Variants in C3orf38 observed in about 807,000 individuals in gnomAD.
C3orf38 encodes the protein chromosome 3 open reading frame 38.
C3orf38 carries 18 observed loss-of-function variants against 28.3 expected under a neutral mutation model. The observed-to-expected ratio is 0.64, with a 90% CI of 0.44 to 0.94. The LOEUF is 0.94. Ranked by LOEUF, C3orf38 falls within the 40% of genes least tolerant of loss-of-function variation. The probability of loss-of-function intolerance (pLI) is 0.00; values close to 1 mark genes in which losing one functional copy is unlikely to be tolerated. For synonymous variants in C3orf38, 145 were observed against 138.1 expected (o/e 1.05, Z -0.35); for missense variants, 364 against 396.4 (o/e 0.92, Z 0.69).
At chr3:88,153,725 C>T (rs1576369772) in intron 2 of C3orf38, among the ~76,000 whole-genome samples, 1 of 152,052 alleles carries the variant, frequency 6.6e-6, no homozygotes, top group Admixed American at 6.6e-5. Context: ...GCATGCACCA[C>T]CATGCCTGGC....
At position 88,150,205 on chromosome 3, in the gene C3orf38, C is replaced by CT; in HGVS notation, c.133+21dup. 1 of 1,612,628 alleles carries CT rather than the reference C, an allele frequency of 6.2e-7. No homozygotes were observed. The highest frequency in any genetic ancestry group is 8.5e-7 in the Non-Finnish European group (1 of 1,179,564). Reference sequence around the variant, plus strand: ...GCCAAGGTAAGGGCGGACCCTTCACCTAGAAGGCTGCCGCCCCTTCCCCGG... The same window carrying CT: ...GCCAAGGTAAGGGCGGACCCTTCACCTTAGAAGGCTGCCGCCCCTTCCCCGG... On this transcript the variant is annotated intron_variant, in intron 1 of 2. Coordinates refer to ENST00000318887, the MANE Select transcript of C3orf38 (RefSeq NM_173824.4).
rs748380297 is a variant in C3orf38, at chr3:88,156,480, A to T, written c.835A>T (p.Ser279Cys). ...KFINLKIMGE[S>C]SLAPGTLPKP... ...TATCAACCTGAAAATTATGGGAGAG[A>T]GTTCCCTTGCTCCTGGAACATTACC... The change falls in exon 3 of 3, where the codon AGT (serine) becomes TGT (cysteine). Residue 279 changes from serine (S) to cysteine (C), a missense_variant. By Grantham distance (112) the Ser-to-Cys change is moderately radical. Transcript: ENST00000318887. The T allele has an allele frequency of 6.2e-7, 1 of 1,614,098 alleles. No individual in the cohort carries two copies. Among genetic ancestry groups the T allele is most frequent in the African/African-American group, 1.3e-5 (1 of 74,942 alleles).
Position 88,156,368 on chromosome 3 carries a change from T to C in C3orf38, c.723T>C (p.His241=). Residue 241 remains histidine, a synonymous_variant, in exon 3 of 3, where the codon CAT becomes CAC. Transcript: ENST00000318887. The stretch of plus-strand genomic sequence containing the variant: ...TGGTTGGAGTTGCTGGGACTGTCCA[T>C]CGAGGAAACACTTGTTTGGGCATTT... ...LVMVGVAGTV[H]RGNTCLGIFE... is the part of the protein sequence containing the mutation. 6.2e-7 allele frequency: 1 copy of C among 1,614,216 alleles called. No homozygotes were observed. The highest frequency in any genetic ancestry group is 8.5e-7 in the Non-Finnish European group (1 of 1,180,034).
Position 88,156,505 on chromosome 3 carries a change from C to G in C3orf38, c.860C>G (p.Pro287Arg), listed in dbSNP as rs149447900. Residue 287 changes from proline to arginine, a missense_variant, in exon 3 of 3, where the codon CCG becomes CGG. By Grantham distance (103) the Pro-to-Arg change is moderately radical. Coordinates refer to ENST00000318887, the MANE Select transcript of C3orf38 (RefSeq NM_173824.4). ...AGTTCCCTTGCTCCTGGAACATTAC[C>G]GAAACCATCTGTTAAATTTGAACAA... ...GESSLAPGTL[P>R]KPSVKFEQSD... is the part of the protein sequence containing the mutation. 1 of 1,613,966 alleles carries G rather than the reference C, an allele frequency of 6.2e-7. No homozygotes were observed. The highest frequency in any genetic ancestry group is 8.5e-7 in the Non-Finnish European group (1 of 1,180,018).
chr3:88,153,787 C>A (rs1358962713), intron 2 of C3orf38, among the ~76,000 whole-genome samples: 1 of 152,096 alleles, frequency 6.6e-6, no homozygotes, highest in Non-Finnish European at 1.5e-5. Context: ...GTTGCCCAGG[C>A]TGGTCTTGAA....
intron 2 of C3orf38, among the ~76,000 whole-genome samples, chr3:88,154,291 A>G (rs1439412100): frequency 2.0e-5 from 3 of 152,038 alleles, no homozygotes; most frequent in South Asian, 2.1e-4. Context: ...CTATCAACCT[A>G]TCACCTAGGT....
rs541063123 is a variant in C3orf38, at chr3:88,151,276, C to G, written c.133+1091C>G. On this transcript the variant is annotated intron_variant, in intron 1 of 2. Coordinates refer to ENST00000318887, the MANE Select transcript of C3orf38 (RefSeq NM_173824.4). Reference sequence around the variant, plus strand: ...AAACTAATGAAATGAAAACCAGAAACAGAAGTTGTCTTTTCTGTGTACCAG... The same window carrying G: ...AAACTAATGAAATGAAAACCAGAAAGAGAAGTTGTCTTTTCTGTGTACCAG... Among the ~76,000 whole-genome samples, 63 of 151,948 alleles carry G rather than the reference C, an allele frequency of 4.1e-4. 1 individual carries two copies. In the South Asian group the frequency reaches 0.013, roughly 31 times the overall value.
In C3orf38 at chr3:88,156,711, G is replaced by C. The variant is rs1226661773; in HGVS notation, c.*76G>C. On this transcript the variant is annotated 3_prime_UTR_variant, in exon 3 of 3. Transcript: ENST00000318887. Reference sequence around the variant, plus strand: ...CCCTCTAAAGCGCTAAGTACTGTCAGCCTGAAAAAAATCTTCTATACAGAA... The same window carrying C: ...CCCTCTAAAGCGCTAAGTACTGTCACCCTGAAAAAAATCTTCTATACAGAA... 3 of 1,459,824 alleles carry C rather than the reference G, an allele frequency of 2.1e-6. No homozygotes were observed. Among genetic ancestry groups the C allele is most frequent in the Non-Finnish European group, 2.8e-6 (3 of 1,086,788 alleles). The allele number at this position is 1,459,824 out of a possible 1,614,324, so 90.4% of individuals were successfully genotyped here.
chr3:88,150,510 C>CT (rs1707394725), intron 1 of C3orf38: 1 of 181,318 alleles, frequency 5.5e-6, no homozygotes, highest in Non-Finnish European at 1.2e-5. Flanking sequence ...GCTGAAGAGT[C>CT]AGCTGCTGCT....
chr3:88,154,518 A>G (rs1447727695), intron 2 of C3orf38, among the ~76,000 whole-genome samples: 1 of 152,150 alleles, frequency 6.6e-6, no homozygotes, highest in Non-Finnish European at 1.5e-5. Context: ...ACCTCTATGT[A>G]ATTTGCAGAT....
Position 88,153,411 on chromosome 3 carries a change from GA to G in C3orf38, c.318del (p.Lys106AsnfsTer2). The G allele has an allele frequency of 1.2e-6, 2 of 1,614,002 alleles. No homozygotes were observed. Among genetic ancestry groups the G allele is most frequent in the Non-Finnish European group, 1.7e-6 (2 of 1,180,014 alleles). On this transcript the variant is annotated frameshift_variant, in exon 2 of 3. Transcript: ENST00000318887. LOFTEE classifies it high-confidence loss of function. ...ATTACTGGCAAAAGCAACCACAACT[GA>G]AATTGAAGGAAACGCCAGAGCCAGT... ...KDYWQKQPQL[K>X]LKETPEPVTK...
At position 88,157,555 on chromosome 3, in the gene C3orf38, T is replaced by C. The variant is rs1213835790; in HGVS notation, c.*920T>C. 6.6e-6 allele frequency: 1 copy of C among 152,200 alleles called. No individual in the cohort carries two copies. The highest frequency in any genetic ancestry group is 1.5e-5 in the Non-Finnish European group (1 of 68,032). 9.4% of individuals were successfully genotyped at this position (152,200 alleles called of 1,614,324 possible). The stretch of plus-strand genomic sequence containing the variant: ...ACAACCCATGCATGTATAATGTGTG[T>C]ATACACATATACATAAGTATACATA... On this transcript the variant is annotated 3_prime_UTR_variant, in exon 3 of 3. Transcript: ENST00000318887.
intron 1 of C3orf38, among the ~76,000 whole-genome samples, chr3:88,152,589 T>C (rs6551280): frequency 0.85 from 129,275 of 151,634 alleles, 55,169 homozygotes; most frequent in East Asian, 0.93. Context: ...GGTGAAACCC[T>C]GTCTGTACTA....
chr3:88,154,715 A>G (rs1438303474), intron 2 of C3orf38, among the ~76,000 whole-genome samples: 1 of 152,246 alleles, frequency 6.6e-6, no homozygotes, highest in Admixed American at 6.5e-5. Flanking sequence ...TAAATTAGGC[A>G]AATAACCAGT....
In C3orf38 at chr3:88,157,385, C is replaced by T. The variant is rs545535481; in HGVS notation, c.*750C>T. ...TTATTCTTACCTAGGCTTCAGACAA[C>T]AGTTTTATAGAGCAGTTACTGTAAT... On this transcript the variant is annotated 3_prime_UTR_variant, in exon 3 of 3. Transcript: ENST00000318887. 4 of 152,280 alleles carry T rather than the reference C, an allele frequency of 2.6e-5. No individual in the cohort carries two copies. The highest frequency in any genetic ancestry group is 2.1e-4 in the South Asian group (1 of 4,828). The allele number at this position is 152,280 out of a possible 1,614,324, so 9.4% of individuals were successfully genotyped here. A position where few individuals can be genotyped will look rare whatever the true frequency, so the allele number is the denominator to read the frequency against.
chr3:88,150,955 A>G (rs1199986631), intron 1 of C3orf38: 5 of 152,098 alleles, frequency 3.3e-5, no homozygotes, highest in African/African-American at 4.8e-5. Context: ...GTCATTTGTC[A>G]CTCCGAACCA....
intron 2 of C3orf38, 41 bp from the exon 3 acceptor site, chr3:88,155,980 C>T (rs771167649): frequency 3.5e-6 from 5 of 1,439,052 alleles, no homozygotes; most frequent in African/African-American, 1.4e-5. Context: ...GAAAGTTAAA[C>T]CTTAGTGTTA....
Position 88,156,419 on chromosome 3 carries a change from C to A in C3orf38, c.774C>A (p.Arg258=). 6.2e-7 allele frequency: 1 copy of A among 1,614,216 alleles called. No individual in the cohort carries two copies. The highest frequency in any genetic ancestry group is 1.1e-5 in the South Asian group (1 of 91,086). The change falls in exon 3 of 3, where the codon CGC becomes CGA. Residue 258 remains arginine, a synonymous_variant. Transcript: ENST00000318887. ...GIFEQIFGLI[R]CPFVENTWKI... ...TTGAACAAATTTTTGGACTCATCCG[C>A]TGCCCTTTTGTGGAGAATACTTGGA...
At chr3:88,154,375 C>T (rs1576369971) in intron 2 of C3orf38, among the ~76,000 whole-genome samples, 1 of 145,936 alleles carries the variant, frequency 6.9e-6, no homozygotes, top group South Asian at 2.2e-4. Context: ...ATTTTTTATA[C>T]TTTTTTTTTT....
Sources: gnomAD v4.1 joint callset for allele counts (sites outside exome capture counted in the v4.1 genomes callset) on GRCh38, gnomAD v4.1.1 for gene constraint, MANE v1.5 for transcripts, NCBI Gene and HGNC (gene_info 2026-07-23, HGNC 2026-07-21) for gene names.